Variants in AK5 observed in about 807,000 individuals in gnomAD.
AK5 encodes adenylate kinase isoenzyme 5.
A neutral mutation model predicts 69.5 loss-of-function variants in AK5; 27 were observed. That is an observed-to-expected ratio of 0.39 (90% CI 0.29 to 0.54). The LOEUF (loss-of-function observed/expected upper bound fraction) is 0.54. Ranked by LOEUF, AK5 falls within the 20% of genes least tolerant of loss-of-function variation. AK5 has a pLI of 0.71. For missense variants in AK5, 531 were observed against 700.4 expected, an observed-to-expected ratio of 0.76 and a Z score of 2.73; for synonymous variants, 260 against 244.4, an observed-to-expected ratio of 1.06 and a Z score of -0.60.
chr1:77,461,268 C>G (rs1346328340), intron 8 of AK5, among the ~76,000 whole-genome samples: 2 of 147,692 alleles, frequency 1.4e-5, no homozygotes, highest in Non-Finnish European at 3.0e-5. Flanking sequence ...CTCCTGACCT[C>G]GTGATCCACC....
intron 6 of AK5, among the ~76,000 whole-genome samples, chr1:77,374,121 G>A (rs367865003): frequency 6.6e-6 from 1 of 152,092 alleles, no homozygotes; most frequent in Non-Finnish European, 1.5e-5. Flanking sequence ...AATTAGATTG[G>A]TATCTCAGCT....
At chr1:77,363,801 C>G (rs1211009676) in intron 6 of AK5, among the ~76,000 whole-genome samples, 1 of 152,186 alleles carries the variant, frequency 6.6e-6, no homozygotes, top group Non-Finnish European at 1.5e-5. Flanking sequence ...TTGAGATCTT[C>G]CTTGACCCAC....
intron 5 of AK5, among the ~76,000 whole-genome samples, chr1:77,307,942 G>T (rs935176784): frequency 6.6e-6 from 1 of 152,108 alleles, no homozygotes; most frequent in African/African-American, 2.4e-5. Flanking sequence ...CGTCAACTTG[G>T]TGTCTTTACA....
At chr1:77,328,270 G>A (rs1041421820) in intron 5 of AK5, among the ~76,000 whole-genome samples, 1 of 152,144 alleles carries the variant, frequency 6.6e-6, no homozygotes, top group Non-Finnish European at 1.5e-5. Context: ...GGATGCTGAG[G>A]TGGGCAGATC....
intron 6 of AK5, among the ~76,000 whole-genome samples, chr1:77,392,989 G>A (rs934519613): frequency 3.3e-5 from 5 of 151,950 alleles, no homozygotes; most frequent in Non-Finnish European, 7.4e-5. Context: ...CTGGAGTGCG[G>A]TGATGTGATC....
chr1:77,553,863 T>C lies in AK5; in HGVS notation c.1621-4739T>C, dbSNP rs1211909614. ...GTTTGATAAGGCGAGCTCAGGTGAC[T>C]GTATAGTGGGCTGTGGGCAGAAACA... is the stretch of plus-strand genomic sequence containing the variant. On this transcript the variant is annotated intron_variant, in intron 13 of 13. Coordinates refer to ENST00000354567, the MANE Select transcript of AK5 (RefSeq NM_174858.3). Among the ~76,000 whole-genome samples, 3 of 152,152 alleles carry C rather than the reference T, an allele frequency of 2.0e-5. No homozygotes were observed. The East Asian group carries it at 5.8e-4, about 29-fold the overall frequency.
At chr1:77,515,881 T>A (rs977966926) in intron 10 of AK5, among the ~76,000 whole-genome samples, 1 of 152,128 alleles carries the variant, frequency 6.6e-6, no homozygotes, top group Non-Finnish European at 1.5e-5. Context: ...CAAGAGACCC[T>A]GTCTCTACAA....
chr1:77,537,227 C>A (rs112696323), intron 13 of AK5, among the ~76,000 whole-genome samples: 1 of 151,886 alleles, frequency 6.6e-6, no homozygotes, highest in South Asian at 2.1e-4. Context: ...GTCTCTGAAG[C>A]GGGGGTGCAC....
chr1:77,358,634 A>C (rs1646795442), intron 6 of AK5, among the ~76,000 whole-genome samples: 3 of 152,188 alleles, frequency 2.0e-5, no homozygotes, highest in Non-Finnish European at 2.9e-5. Flanking sequence ...CTTTTGACAC[A>C]AGTAGAATTT....
intron 7 of AK5, among the ~76,000 whole-genome samples, chr1:77,412,944 G>A (rs995636111): frequency 3.3e-5 from 5 of 151,950 alleles, no homozygotes; most frequent in South Asian, 2.1e-4. Context: ...GTCACCAAAC[G>A]CTTTGTCATT....
Position 77,414,701 on chromosome 1 carries a change from A to C in AK5, c.983-2938A>C, listed in dbSNP as rs78432753. Among the ~76,000 whole-genome samples the C allele has an allele frequency of 1.1e-3, 165 of 152,338 alleles. 4 individuals are homozygous for C. The East Asian group carries it at 0.031, about 28-fold the overall frequency. Reference sequence around the variant, plus strand: ...AATCTGGAAAGAAATTGAAAAATTCAAAACGGGGAAAATGAAAGCTACACT... The same window carrying C: ...AATCTGGAAAGAAATTGAAAAATTCCAAACGGGGAAAATGAAAGCTACACT... On this transcript the variant is annotated intron_variant, in intron 7 of 13. Coordinates refer to ENST00000354567, the MANE Select transcript of AK5 (RefSeq NM_174858.3).
intron 6 of AK5, among the ~76,000 whole-genome samples, chr1:77,396,563 T>C (rs1375261764): frequency 1.3e-5 from 2 of 152,212 alleles, no homozygotes; most frequent in African/African-American, 4.8e-5. Context: ...CACAAAGTTA[T>C]AGACCTGGGA....
At chr1:77,504,182 A>G (rs1225186350) in intron 10 of AK5, among the ~76,000 whole-genome samples, 1 of 152,236 alleles carries the variant, frequency 6.6e-6, no homozygotes, top group Non-Finnish European at 1.5e-5. Flanking sequence ...TTGTGGAATG[A>G]ATGAATAAAT....
intron 10 of AK5, among the ~76,000 whole-genome samples, chr1:77,494,623 G>C (rs912960758): frequency 6.6e-6 from 1 of 152,088 alleles, no homozygotes; most frequent in Non-Finnish European, 1.5e-5. Context: ...GTACAACAGA[G>C]ACATAGCCCA....
At chr1:77,483,014 A>AGGGGAG in intron 8 of AK5, among the ~76,000 whole-genome samples, 1 of 116,176 alleles carries the variant, frequency 8.6e-6, no homozygotes, top group Non-Finnish European at 1.8e-5. Flanking sequence ...AAAAAAAAAA[A>AGGGGAG]AAAAAAAAAA....
Position 77,452,999 on chromosome 1 carries a change from C to G in AK5, c.1060-30318C>G, listed in dbSNP as rs147000049. 4.3e-3 allele frequency among the ~76,000 whole-genome samples: 651 copies of G among 152,244 alleles called. 3 individuals are homozygous for G. Among genetic ancestry groups the G allele is most frequent in the African/African-American group, 0.015 (618 of 41,550 alleles). On this transcript the variant is annotated intron_variant, in intron 8 of 13. Coordinates refer to ENST00000354567, the MANE Select transcript of AK5 (RefSeq NM_174858.3). The stretch of plus-strand genomic sequence containing the variant: ...GATTGTATAAAATATTTCATACAGA[C>G]TAAAAGCTATAGAGAATGATATAAC...
intron 12 of AK5, 51 bp from the exon 13 acceptor site, chr1:77,535,796 C>T: frequency 6.5e-7 from 1 of 1,546,486 alleles, no homozygotes; most frequent in South Asian, 1.2e-5. Flanking sequence ...CTTTCCAGAA[C>T]ATCAGCAGGG....
chr1:77,554,749 G>T (rs1192904135), intron 13 of AK5, among the ~76,000 whole-genome samples: 1 of 150,502 alleles, frequency 6.6e-6, no homozygotes, highest in Non-Finnish European at 1.5e-5. Context: ...GGGACTACAG[G>T]CGCCCGCCAC....
chr1:77,555,331 C>A (rs1282683783), intron 13 of AK5, among the ~76,000 whole-genome samples: 1 of 152,136 alleles, frequency 6.6e-6, no homozygotes, highest in Non-Finnish European at 1.5e-5. Flanking sequence ...TCATTATCGT[C>A]ATGCAATAGG....
Sources: gnomAD v4.1 joint callset for allele counts (sites outside exome capture counted in the v4.1 genomes callset) on GRCh38, gnomAD v4.1.1 for gene constraint, MANE v1.5 for transcripts, NCBI Gene and HGNC (gene_info 2026-07-23, HGNC 2026-07-21) for gene names.